Variants in ADRA1A observed in about 807,000 individuals in gnomAD.
The protein encoded by ADRA1A is adrenoceptor alpha 1A.
In ADRA1A, 31 loss-of-function variants were observed where a neutral mutation model predicts 29.6. That is an observed-to-expected ratio of 1.05 (90% CI 0.79 to 1.41). ADRA1A has a LOEUF of 1.41. Among genes scored for constraint, ADRA1A ranks in the 40% most tolerant of loss-of-function variants. The pLI, the probability that ADRA1A is intolerant of heterozygous loss-of-function variation, is 0.00. For synonymous variants in ADRA1A, 311 were observed against 254.3 expected (o/e 1.22, Z -2.12); for missense variants, 619 against 601.1 (o/e 1.03, Z -0.31).
At position 26,860,431 on chromosome 8, in the gene ADRA1A, C is replaced by T. The variant is rs1813369209; in HGVS notation, c.883+3656G>A. Among the ~76,000 whole-genome samples, 2 of 152,180 alleles carry T rather than the reference C, an allele frequency of 1.3e-5. No homozygotes were observed. The highest frequency in any genetic ancestry group is 4.8e-5 in the African/African-American group (2 of 41,426). ...CCTCAGCATTGCCTCCTGTATCCCT[C>T]AGCTGCTTAGCTCTTAGAGAAAAAC... On this transcript the variant is annotated intron_variant, in intron 2 of 2. Transcript: ENST00000380573. The surrounding 1 kb of genome is among the most constrained non-coding windows in gnomAD (Gnocchi z 4.7).
At chr8:26,765,741 T>C (rs548518075), downstream of ADRA1A, 4 of 1,054,192 alleles carry the variant, frequency 3.8e-6, no homozygotes, top group Non-Finnish European at 4.7e-6. Flanking sequence ...TTTAATTAAG[T>C]CAACAAGTAT....
In ADRA1A at chr8:26,769,317, A is replaced by T. The variant is rs1277421536; in HGVS notation, c.*832T>A. The T allele has an allele frequency of 1.0e-6, 1 of 985,202 alleles. No homozygotes were observed. The highest frequency in any genetic ancestry group is 1.1e-4 in the East Asian group (1 of 8,812). 61.0% of individuals were successfully genotyped at this position (985,202 alleles called of 1,614,324 possible). A position where few individuals can be genotyped will look rare whatever the true frequency, so the allele number is the denominator to read the frequency against. ...CACCAACCTCTTGCTCTTTAAAGAT[A>T]TTAGAGAGAAAGCCTATCATCATCT... On this transcript the variant is annotated 3_prime_UTR_variant, in exon 3 of 3. Coordinates refer to ENST00000380573, the MANE Select transcript of ADRA1A (RefSeq NM_000680.4).
At chr8:26,797,404 C>T (rs1359943273) in intron 2 of ADRA1A, among the ~76,000 whole-genome samples, 1 of 151,960 alleles carries the variant, frequency 6.6e-6, no homozygotes, top group African/African-American at 2.4e-5. Context: ...TTAAGCAATC[C>T]CCCTGACTTA....
At chr8:26,849,532 A>G (rs144731698) in intron 2 of ADRA1A, among the ~76,000 whole-genome samples, 17 of 152,340 alleles carry the variant, frequency 1.1e-4, no homozygotes, top group East Asian at 7.7e-4. Flanking sequence ...CTTGAAGGAT[A>G]AAGAGTTCTG....
intron 2 of ADRA1A, among the ~76,000 whole-genome samples, chr8:26,861,840 C>G (rs1010089471): frequency 6.6e-6 from 1 of 152,162 alleles, no homozygotes; most frequent in Non-Finnish European, 1.5e-5. Context: ...AATGTGATCA[C>G]GTCTTACCAC....
Position 26,865,552 on chromosome 8 carries a change from GGCTCCT to G in ADRA1A, c.-589_-584del. On this transcript the variant is annotated 5_prime_UTR_variant, in exon 2 of 3. Transcript: ENST00000380573. This position sits in a 1 kb window ranked among gnomAD's most constrained non-coding sequence, Gnocchi z 7.6. ...CTACATTTTGAGCTGCCCCACCGAA[GGCTCCT>G]GCTCTCTCCAGCTTCTAGGAGCACA... 1.0e-6 allele frequency: 1 copy of G among 992,700 alleles called. No homozygotes were observed. Among genetic ancestry groups the G allele is most frequent in the Non-Finnish European group, 1.2e-6 (1 of 834,382 alleles). The allele number at this position is 992,700 out of a possible 1,614,324, so 61.5% of individuals were successfully genotyped here.
At chr8:26,782,645 G>A (rs1445290010) in intron 2 of ADRA1A, among the ~76,000 whole-genome samples, 1 of 152,100 alleles carries the variant, frequency 6.6e-6, no homozygotes, top group Non-Finnish European at 1.5e-5. Flanking sequence ...GTACTTTCAG[G>A]GGGAAGATCA....
chr8:26,769,561 C>G lies in ADRA1A; in HGVS notation c.*588G>C. On this transcript the variant is annotated 3_prime_UTR_variant, in exon 3 of 3. Transcript: ENST00000380573. ...GAGCAGCATCCATTCAAAGTGCAGT[C>G]AAAGGTAAACCTCACTGCCAAGTTT... The G allele has an allele frequency of 1.0e-6, 1 of 985,432 alleles. No homozygotes were observed. Among genetic ancestry groups the G allele is most frequent in the Non-Finnish European group, 1.2e-6 (1 of 829,980 alleles). 61.0% of individuals were successfully genotyped at this position (985,432 alleles called of 1,614,324 possible). A position where few individuals can be genotyped will look rare whatever the true frequency, so the allele number is the denominator to read the frequency against.
At chr8:26,843,593 T>A (rs1053249488) in intron 2 of ADRA1A, among the ~76,000 whole-genome samples, 3 of 152,210 alleles carry the variant, frequency 2.0e-5, no homozygotes, top group African/African-American at 4.8e-5. Flanking sequence ...AGACAAAATT[T>A]TTTTTGTCAG....
rs1330088182 is a variant in ADRA1A at position 26,769,538 on chromosome 8, G to A, written c.*611C>T. 3 of 985,316 alleles carry A rather than the reference G, an allele frequency of 3.0e-6. No individual in the cohort carries two copies. The highest frequency in any genetic ancestry group is 6.1e-5 in the Admixed American group (1 of 16,272). The allele number at this position is 985,316 out of a possible 1,614,324, so 61.0% of individuals were successfully genotyped here. On this transcript the variant is annotated 3_prime_UTR_variant, in exon 3 of 3. Transcript: ENST00000380573. ...CACTCTCATCTTTGGGAAATGAGGAGCAGCATCCATTCAAAGTGCAGTCAA... is the reference window on the plus strand; with the variant it reads ...CACTCTCATCTTTGGGAAATGAGGAACAGCATCCATTCAAAGTGCAGTCAA...
At chr8:26,750,931 C>G (rs555792558) in intron 2 of ADRA1A, among the ~76,000 whole-genome samples, 1 of 152,044 alleles carries the variant, frequency 6.6e-6, no homozygotes, top group Non-Finnish European at 1.5e-5. Context: ...TAGCCAGGTG[C>G]GGTGGCGCAT....
intron 2 of ADRA1A, among the ~76,000 whole-genome samples, chr8:26,811,280 C>T (rs528252594): frequency 2.0e-4 from 31 of 152,038 alleles, no homozygotes; most frequent in African/African-American, 7.5e-4. Flanking sequence ...GCAAGCTCTG[C>T]CTTCCAGGCT....
Position 26,823,275 on chromosome 8 carries a change from CT to C in ADRA1A, c.883+40811del, listed in dbSNP as rs1485108169. 2.7e-5 allele frequency among the ~76,000 whole-genome samples: 4 copies of C among 148,750 alleles called. No individual in the cohort carries two copies. Among genetic ancestry groups the C allele is most frequent in the Non-Finnish European group, 5.9e-5 (4 of 67,914 alleles). On this transcript the variant is annotated intron_variant, in intron 2 of 2. Transcript: ENST00000380573. This position sits in a 1 kb window ranked among gnomAD's most constrained non-coding sequence, Gnocchi z 4.2. ...TTTGGCCACATGGTATAGTGTCTGC[CT>C]TCCACACTGTCACGTGCTGGGGGCT... is the stretch of plus-strand genomic sequence containing the variant.
chr8:26,753,638 G>A (rs1805021091), downstream of ADRA1A, among the ~76,000 whole-genome samples: 1 of 152,100 alleles, frequency 6.6e-6, no homozygotes, highest in Non-Finnish European at 1.5e-5. Context: ...ACGGATAAAT[G>A]AAGACAGTCT....
chr8:26,852,548 G>A (rs187261960), intron 2 of ADRA1A, among the ~76,000 whole-genome samples: 1 of 152,176 alleles, frequency 6.6e-6, no homozygotes, highest in Admixed American at 6.5e-5. Context: ...AGAATTTCAT[G>A]TAGAAGTCTA....
intron 2 of ADRA1A, among the ~76,000 whole-genome samples, chr8:26,807,570 G>A (rs931113321): frequency 6.7e-6 from 1 of 148,874 alleles, no homozygotes. Flanking sequence ...AAAGTGGGGA[G>A]GACCATAGCA....
At chr8:26,859,236 T>C in intron 2 of ADRA1A, 2 of 1,216,392 alleles carry the variant, frequency 1.6e-6, no homozygotes, top group Non-Finnish European at 2.2e-6. Context: ...AGTATATTTA[T>C]TCTTCTGCTC....
chr8:26,859,147 A>G (rs1813258918), intron 2 of ADRA1A: 3 of 1,290,076 alleles, frequency 2.3e-6, no homozygotes, highest in Non-Finnish European at 3.0e-6. Context: ...CCCGCAGCCT[A>G]GTGCAGACCG....
intron 2 of ADRA1A, among the ~76,000 whole-genome samples, chr8:26,759,702 A>C (rs1585629790): frequency 6.6e-6 from 1 of 152,248 alleles, no homozygotes; most frequent in Non-Finnish European, 1.5e-5. Flanking sequence ...TTGAGACTTC[A>C]GTTAGCCGAA....
Sources: allele counts gnomAD v4.1 joint callset (sites outside exome capture counted in the v4.1 genomes callset), GRCh38; gene constraint gnomAD v4.1.1; non-coding constraint Gnocchi (gnomAD v3.1); transcripts MANE v1.5; gene names NCBI Gene and HGNC (gene_info 2026-07-23, HGNC 2026-07-21).